The following RALA variants were observed in gnomAD, a reference collection of about 807,000 sequenced individuals.
RALA encodes ras-related protein Ral-A.
RALA carries 5 observed loss-of-function variants against 24.0 expected under a neutral mutation model. The ratio of observed to expected loss-of-function variants is 0.21; its 90% CI spans 0.11 to 0.44. RALA has a LOEUF of 0.44. Ranked by LOEUF, RALA falls within the 20% of genes least tolerant of loss-of-function variation. The pLI is 0.99. For synonymous variants in RALA, 77 were observed against 83.8 expected, an observed-to-expected ratio of 0.92 and a Z score of 0.44; for missense variants, 95 against 241.2, an observed-to-expected ratio of 0.39 and a Z score of 4.01.
chr7:39,629,684 C>T (rs935435082), intron 1 of RALA, among the ~76,000 whole-genome samples: 1 of 152,206 alleles, frequency 6.6e-6, no homozygotes. Flanking sequence ...CAACCTCTGC[C>T]TCCTAGGTTC....
intron 1 of RALA, among the ~76,000 whole-genome samples, chr7:39,631,059 G>A (rs1791589573): frequency 1.3e-5 from 2 of 150,862 alleles, no homozygotes; most frequent in Non-Finnish European, 2.9e-5. Flanking sequence ...CCAGGCTGGA[G>A]TGCAGTGGTG....
At chr7:39,676,779 G>A (rs914644650) in intron 1 of RALA, among the ~76,000 whole-genome samples, 1 of 152,136 alleles carries the variant, frequency 6.6e-6, no homozygotes, top group East Asian at 1.9e-4. Context: ...CGGGTTGATT[G>A]TTTTTTAGAA....
intron 2 of RALA, 90 bp downstream of exon 2, chr7:39,686,871 T>C (rs1002973550): frequency 1.1e-6 from 1 of 911,138 alleles, no homozygotes; most frequent in African/African-American, 1.7e-5. Context: ...ATGGATTGTT[T>C]GAATCCTTGA....
intron 1 of RALA, among the ~76,000 whole-genome samples, chr7:39,669,306 A>G (rs1469034292): frequency 6.6e-6 from 1 of 152,044 alleles, no homozygotes; most frequent in African/African-American, 2.4e-5. Context: ...CCCTCTCCCA[A>G]TGCCTAGCAT....
chr7:39,703,377 G>A (rs547695288), intron 4 of RALA: 3 of 152,254 alleles, frequency 2.0e-5, no homozygotes, highest in African/African-American at 7.2e-5. Flanking sequence ...ATTGTGTTCC[G>A]TTCTGTTGCA....
At chr7:39,698,905 C>T (rs1583759790) in intron 4 of RALA, among the ~76,000 whole-genome samples, 2 of 151,958 alleles carry the variant, frequency 1.3e-5, no homozygotes. Flanking sequence ...AAGAGAGGCT[C>T]GGTCTCACTT....
chr7:39,640,336 G>A (rs113307603), intron 1 of RALA, among the ~76,000 whole-genome samples: 2,244 of 152,274 alleles, frequency 0.015, 61 homozygotes, highest in African/African-American at 0.052. Flanking sequence ...TGTACCCAGC[G>A]TGAAATGGTA....
At chr7:39,677,646 G>A (rs1792511521) in intron 1 of RALA, among the ~76,000 whole-genome samples, 2 of 26,502 alleles carry the variant, frequency 7.5e-5, no homozygotes. Context: ...TTCCACAATG[G>A]TTGAACTAGT....
At chr7:39,676,852 C>T (rs1473047492) in intron 1 of RALA, among the ~76,000 whole-genome samples, 1 of 152,110 alleles carries the variant, frequency 6.6e-6, no homozygotes, top group Non-Finnish European at 1.5e-5. Context: ...GTCCGAAGCT[C>T]CTTGACCCAC....
chr7:39,633,670 G>A lies in RALA; in HGVS notation c.-38+9845G>A, dbSNP rs922749991. Among the ~76,000 whole-genome samples the A allele has an allele frequency of 2.0e-5, 3 of 152,258 alleles. No homozygotes were observed. The East Asian group carries it at 5.8e-4, about 29-fold the overall frequency. Reference sequence around the variant, plus strand: ...AATTAGATGAGTTTATCCACTGGGGGGTAATCCTAGAGTACATATCTGTGG... The same window carrying A: ...AATTAGATGAGTTTATCCACTGGGGAGTAATCCTAGAGTACATATCTGTGG... On this transcript the variant is annotated intron_variant, in intron 1 of 4. Transcript: ENST00000005257.
chr7:39,631,365 A>C (rs1032932431), intron 1 of RALA, among the ~76,000 whole-genome samples: 26 of 148,868 alleles, frequency 1.7e-4, no homozygotes, highest in African/African-American at 4.9e-4. Flanking sequence ...AAGAACTGAC[A>C]TCTTTTTTTT....
chr7:39,690,280 C>T, intron 2 of RALA, 102 bp from the exon 3 acceptor site: 1 of 954,912 alleles, frequency 1.0e-6, no homozygotes, highest in Non-Finnish European at 1.5e-6. Context: ...ATACAGAACT[C>T]TTCTTGTACT....
chr7:39,657,713 G>A (rs758747037), intron 1 of RALA, among the ~76,000 whole-genome samples: 22 of 151,974 alleles, frequency 1.4e-4, no homozygotes, highest in Admixed American at 5.2e-4. Context: ...CTTGAGCCCC[G>A]GAGTTAAAGA....
chr7:39,642,382 T>A (rs1791833851), intron 1 of RALA, among the ~76,000 whole-genome samples: 1 of 152,218 alleles, frequency 6.6e-6, no homozygotes, highest in South Asian at 2.1e-4. Context: ...CCTCTGGTGC[T>A]GTCTCTGGGC....
intron 1 of RALA, among the ~76,000 whole-genome samples, chr7:39,658,166 A>C (rs1328673490): frequency 3.9e-5 from 6 of 152,262 alleles, no homozygotes; most frequent in Admixed American, 3.9e-4. Flanking sequence ...GGTGTCTTCT[A>C]TTACCATCTC....
intron 2 of RALA, among the ~76,000 whole-genome samples, chr7:39,687,010 C>T (rs865923964): frequency 2.0e-5 from 3 of 151,980 alleles, no homozygotes; most frequent in Non-Finnish European, 2.9e-5. Context: ...AAAAACAGTA[C>T]GCCTTTTTTT....
At chr7:39,655,736 A>G (rs1414808392) in intron 1 of RALA, among the ~76,000 whole-genome samples, 1 of 152,164 alleles carries the variant, frequency 6.6e-6, no homozygotes, top group African/African-American at 2.4e-5. Flanking sequence ...GCCAGTCCCT[A>G]CAGAGTCTGT....
chr7:39,681,748 T>C (rs902321477), intron 1 of RALA, among the ~76,000 whole-genome samples: 2 of 152,158 alleles, frequency 1.3e-5, no homozygotes, highest in Non-Finnish European at 2.9e-5. Flanking sequence ...ACTTCAAATA[T>C]CATCTGTAAA....
intron 1 of RALA, among the ~76,000 whole-genome samples, chr7:39,662,146 T>C (rs1792203302): frequency 6.6e-6 from 1 of 152,160 alleles, no homozygotes; most frequent in Non-Finnish European, 1.5e-5. Context: ...TGGGGGGCCC[T>C]TAGCCCAGCT....
Sources: allele counts gnomAD v4.1 joint callset (sites outside exome capture counted in the v4.1 genomes callset), GRCh38; gene constraint gnomAD v4.1.1; transcripts MANE v1.5; gene names NCBI Gene and HGNC (gene_info 2026-07-23, HGNC 2026-07-21).